The following PTPRG variants were observed in gnomAD, a reference collection of about 807,000 sequenced individuals.
PTPRG encodes receptor-type tyrosine-protein phosphatase gamma.
A neutral mutation model predicts 165.3 loss-of-function variants in PTPRG; 102 were observed. The ratio of observed to expected loss-of-function variants is 0.62; its 90% CI spans 0.53 to 0.73. PTPRG has a LOEUF of 0.73. PTPRG is among the 30% of genes least tolerant of loss of function. PTPRG has a pLI of 0.00. For synonymous variants in PTPRG, 675 were observed against 669.5 expected (o/e 1.01, Z -0.13); for missense variants, 1,866 against 1,861.4 (o/e 1.00, Z -0.05).
At chr3:61,917,071 A>G (rs928925008) in intron 2 of PTPRG, among the ~76,000 whole-genome samples, 3 of 151,992 alleles carry the variant, frequency 2.0e-5, no homozygotes, top group Non-Finnish European at 4.4e-5. Context: ...AATCAGCTCT[A>G]CTGGCTGATG....
At chr3:61,994,653 T>G (rs183699948) in intron 3 of PTPRG, among the ~76,000 whole-genome samples, 46 of 152,304 alleles carry the variant, frequency 3.0e-4, no homozygotes, top group Admixed American at 7.8e-4. Context: ...TACCTGGCTC[T>G]TAGAAGTTTT....
At chr3:62,072,191 G>A (rs574362785) in intron 4 of PTPRG, among the ~76,000 whole-genome samples, 3 of 152,288 alleles carry the variant, frequency 2.0e-5, no homozygotes, top group African/African-American at 4.8e-5. Flanking sequence ...AGCATTGACT[G>A]TTGTCAACCC....
chr3:61,702,805 C>T (rs150082467), intron 1 of PTPRG, among the ~76,000 whole-genome samples: 8 of 152,312 alleles, frequency 5.3e-5, no homozygotes, highest in African/African-American at 1.4e-4. Context: ...GAAATTCACA[C>T]GTGATGTTGT....
intron 4 of PTPRG, among the ~76,000 whole-genome samples, chr3:62,025,685 A>G (rs1434923326): frequency 1.3e-5 from 2 of 152,204 alleles, no homozygotes; most frequent in Non-Finnish European, 2.9e-5. Flanking sequence ...AAGCTTCAGA[A>G]CAATTCTTTT....
chr3:61,690,188 T>C (rs1380869615), intron 1 of PTPRG, among the ~76,000 whole-genome samples: 3 of 152,336 alleles, frequency 2.0e-5, no homozygotes, highest in Admixed American at 6.5e-5. Flanking sequence ...CCAGCTTTCA[T>C]TGCATGCGGC....
intron 2 of PTPRG, among the ~76,000 whole-genome samples, chr3:61,973,833 A>AAAATAAAT (rs147291562): frequency 1.0e-3 from 155 of 150,276 alleles, no homozygotes; most frequent in African/African-American, 3.7e-3. Flanking sequence ...ACTCCATTTC[A>AAAATAAAT]AAATAAATAA....
intron 1 of PTPRG, among the ~76,000 whole-genome samples, chr3:61,672,192 T>C (rs1405229684): frequency 3.9e-5 from 5 of 128,432 alleles, no homozygotes; most frequent in African/African-American, 1.5e-4. Flanking sequence ...CCTCACTTCC[T>C]AGATGGGATG....
At chr3:62,187,523 G>C (rs1699693068) in intron 8 of PTPRG, among the ~76,000 whole-genome samples, 1 of 152,182 alleles carries the variant, frequency 6.6e-6, no homozygotes, top group South Asian at 2.1e-4. Context: ...ATTTCTGCTG[G>C]AGCACAGCCA....
At chr3:61,942,408 A>C (rs1288948786) in intron 2 of PTPRG, among the ~76,000 whole-genome samples, 2 of 152,210 alleles carry the variant, frequency 1.3e-5, no homozygotes, top group Non-Finnish European at 2.9e-5. Flanking sequence ...GAAAACAAAA[A>C]TTAGACCAAG....
At chr3:61,612,339 G>A (rs1296131438) in intron 1 of PTPRG, among the ~76,000 whole-genome samples, 1 of 152,210 alleles carries the variant, frequency 6.6e-6, no homozygotes, top group Non-Finnish European at 1.5e-5. Flanking sequence ...GGAATGCGAA[G>A]CATCTTTCTG....
chr3:61,871,352 CAAGTAGATGGGACCA>C (rs2037577361), intron 2 of PTPRG, among the ~76,000 whole-genome samples: 1 of 151,996 alleles, frequency 6.6e-6, no homozygotes, highest in Non-Finnish European at 1.5e-5. Context: ...CTCAGCCTCC[CAAGTAGATGGGACCA>C]AGGCACATGT....
At chr3:61,860,312 C>G (rs1280088367) in intron 2 of PTPRG, among the ~76,000 whole-genome samples, 1 of 151,930 alleles carries the variant, frequency 6.6e-6, no homozygotes, top group African/African-American at 2.4e-5. Context: ...TTTCACCTAT[C>G]ACAGACCCTT....
chr3:62,062,722 G>A (rs950061174), intron 4 of PTPRG, among the ~76,000 whole-genome samples: 1 of 151,908 alleles, frequency 6.6e-6, no homozygotes, highest in African/African-American at 2.4e-5. Flanking sequence ...AGGCTGGTGG[G>A]CAATCATGGC....
At chr3:62,208,958 G>A (rs914763814) in intron 12 of PTPRG, among the ~76,000 whole-genome samples, 7 of 152,148 alleles carry the variant, frequency 4.6e-5, no homozygotes, top group East Asian at 1.9e-4. Flanking sequence ...AGAGCCACAC[G>A]GCCCATGGCA....
At chr3:61,583,892 G>C (rs1206533544) in intron 1 of PTPRG, among the ~76,000 whole-genome samples, 1 of 152,122 alleles carries the variant, frequency 6.6e-6, no homozygotes, top group African/African-American at 2.4e-5. Flanking sequence ...CGTTAACCAA[G>C]GGTTGATTTG....
At chr3:61,690,046 T>C (rs186035529) in intron 1 of PTPRG, among the ~76,000 whole-genome samples, 37 of 152,330 alleles carry the variant, frequency 2.4e-4, no homozygotes, top group African/African-American at 8.9e-4. Context: ...TCTCATTGTT[T>C]TTCCCATGCT....
intron 1 of PTPRG, among the ~76,000 whole-genome samples, chr3:61,709,342 T>C (rs550563637): frequency 5.9e-5 from 9 of 152,148 alleles, no homozygotes; most frequent in Non-Finnish European, 1.3e-4. Flanking sequence ...TGAAATGGGG[T>C]CTCGCTCTGT....
chr3:61,670,711 C>T (rs563123659), intron 1 of PTPRG, among the ~76,000 whole-genome samples: 31 of 152,202 alleles, frequency 2.0e-4, no homozygotes, highest in African/African-American at 6.7e-4. Context: ...CCTGAGCCTC[C>T]GGTTGTAGGT....
intron 7 of PTPRG, among the ~76,000 whole-genome samples, chr3:62,157,519 G>A (rs527863283): frequency 2.1e-4 from 32 of 152,176 alleles, no homozygotes; most frequent in Non-Finnish European, 3.8e-4. Context: ...CAATGATGAT[G>A]ACCTTTTGTG....
Sources: allele counts gnomAD v4.1 joint callset (sites outside exome capture counted in the v4.1 genomes callset), GRCh38; gene constraint gnomAD v4.1.1; transcripts MANE v1.5; gene names NCBI Gene and HGNC (gene_info 2026-07-23, HGNC 2026-07-21).